Variants in AHRR observed in about 807,000 individuals in gnomAD.
AHRR encodes aryl hydrocarbon receptor repressor, also known as ahR repressor.
AHRR carries 28 observed loss-of-function variants against 44.0 expected under a neutral mutation model. The observed-to-expected ratio is 0.64, with a 90% CI of 0.47 to 0.87. The LOEUF (loss-of-function observed/expected upper bound fraction) is 0.87. Ranked by LOEUF, AHRR falls within the 40% of genes least tolerant of loss-of-function variation. The pLI is 0.00. For synonymous variants in AHRR, 434 were observed against 407.0 expected (o/e 1.07, Z -0.80); for missense variants, 990 against 953.9 (o/e 1.04, Z -0.50).
intron 5 of AHRR, chr5:421,331 G>T: frequency 1.4e-6 from 1 of 693,984 alleles, no homozygotes; most frequent in Non-Finnish European, 2.6e-6. Flanking sequence ...TGCGGGGCAG[G>T]GGGATGCCGG....
chr5:391,378 GCAGGGC>G (rs1734431648), intron 4 of AHRR, among the ~76,000 whole-genome samples: 5 of 106,856 alleles, frequency 4.7e-5, no homozygotes, highest in African/African-American at 2.9e-4. Context: ...GTGCATGGGC[GCAGGGC>G]GAGGAGGGCG....
intron 1 of AHRR, chr5:322,722 G>A (rs1741541805): frequency 6.6e-6 from 1 of 152,248 alleles, no homozygotes; most frequent in Admixed American, 6.5e-5. Flanking sequence ...CTCGGGCCGA[G>A]TGTGCCATAC....
chr5:348,296 T>G (rs1742745640), intron 2 of AHRR, among the ~76,000 whole-genome samples: 1 of 152,046 alleles, frequency 6.6e-6, no homozygotes, highest in African/African-American at 2.4e-5. Flanking sequence ...TGCCTTCAGC[T>G]CATGACACTG....
intron 1 of AHRR, among the ~76,000 whole-genome samples, chr5:328,899 C>A (rs1377789797): frequency 6.6e-6 from 1 of 152,008 alleles, no homozygotes; most frequent in Non-Finnish European, 1.5e-5. Flanking sequence ...AGTTTAAGAC[C>A]CATACTATAG....
Position 434,565 on chromosome 5 carries a change from A to C in AHRR, c.1825A>C (p.Thr609Pro), listed in dbSNP as rs1300406273. 2 of 1,588,404 alleles carry C rather than the reference A, an allele frequency of 1.3e-6. No homozygotes were observed. The highest frequency in any genetic ancestry group is 1.7e-6 in the Non-Finnish European group (2 of 1,167,794). Residue 609 changes from threonine to proline, a missense_variant, in exon 11 of 11, where the codon ACC (threonine) becomes CCC (proline). Coordinates refer to ENST00000684583, the MANE Select transcript of AHRR (RefSeq NM_001377236.1). ...RATAGRSREL[T>P]PFHPAHCACL... is the part of the protein sequence containing the mutation. ...CACTGCTGGGCGCAGCAGGGAGCTG[A>C]CCCCTTTCCACCCTGCACACTGTGC...
At chr5:344,524 GGGGGGC>G (rs1468343480) in intron 2 of AHRR, among the ~76,000 whole-genome samples, 2 of 1,568 alleles carry the variant, frequency 1.3e-3, no homozygotes, top group Non-Finnish European at 2.6e-3. Flanking sequence ...GTGAGGCTGT[GGGGGGC>G]TGTGTGTGGG....
At chr5:421,490 C>G (rs1736117393) in intron 5 of AHRR, 4 of 487,550 alleles carry the variant, frequency 8.2e-6, no homozygotes, top group Middle Eastern at 7.5e-4. Context: ...GGGGTGTTTT[C>G]TTGAAGGTGA....
At chr5:414,136 A>G (rs542978006) in intron 5 of AHRR, among the ~76,000 whole-genome samples, 64 of 152,110 alleles carry the variant, frequency 4.2e-4, no homozygotes, top group African/African-American at 1.4e-3. Context: ...GGTGGCGTGC[A>G]CCCGTAGTCC....
intron 3 of AHRR, among the ~76,000 whole-genome samples, chr5:369,756 A>G (rs349576): frequency 1 from 152,257 of 152,376 alleles, 76,069 homozygotes; most frequent in Non-Finnish European, 1. Context: ...GGGTGGTGAG[A>G]AGTTTCCTTT....
intron 5 of AHRR, among the ~76,000 whole-genome samples, chr5:420,760 G>A (rs914658465): frequency 2.3e-5 from 3 of 131,938 alleles, no homozygotes; most frequent in Admixed American, 1.6e-4. Context: ...CGGCTCAGTG[G>A]GGATTCCAGA....
chr5:400,598 G>A (rs1734974365), intron 4 of AHRR, among the ~76,000 whole-genome samples: 1 of 152,194 alleles, frequency 6.6e-6, no homozygotes, highest in African/African-American at 2.4e-5. Context: ...GAAAGGCAGA[G>A]GGAGAGAAAA....
Position 377,454 on chromosome 5 carries a change from A to T in AHRR, c.351+738A>T, listed in dbSNP as rs576321142. Among the ~76,000 whole-genome samples the T allele has an allele frequency of 3.9e-5, 6 of 152,186 alleles. No homozygotes were observed. In the South Asian group the frequency reaches 1.2e-3, roughly 32 times the overall value. ...GCAGGGAGGAGGCGGGGACAACATG[A>T]CATTTCCTGGGTAACAGGGTGGGCT... On this transcript the variant is annotated intron_variant, in intron 4 of 10. Transcript: ENST00000684583.
intron 7 of AHRR, among the ~76,000 whole-genome samples, chr5:426,086 C>T (rs1736374588): frequency 6.6e-6 from 1 of 152,234 alleles, no homozygotes; most frequent in Admixed American, 6.5e-5. Flanking sequence ...GGAATTTTTC[C>T]CCCTGGAGAG....
In AHRR at chr5:405,365, G is replaced by A. The variant is rs931572728; in HGVS notation, c.352-7979G>A. 6.6e-6 allele frequency among the ~76,000 whole-genome samples: 1 copy of A among 152,172 alleles called. No individual in the cohort carries two copies. The highest frequency in any genetic ancestry group is 1.5e-5 in the Non-Finnish European group (1 of 68,038). On this transcript the variant is annotated intron_variant, in intron 4 of 10. Coordinates refer to ENST00000684583, the MANE Select transcript of AHRR (RefSeq NM_001377236.1). This position sits in a 1 kb window ranked among gnomAD's most constrained non-coding sequence, Gnocchi z 4.5. ...TCTCTAGAAACGTGGTGGAGTTCAGGGTGATAACGATGGGCTTCTTTACTG... is the reference window on the plus strand; with the variant it reads ...TCTCTAGAAACGTGGTGGAGTTCAGAGTGATAACGATGGGCTTCTTTACTG...
Position 435,229 on chromosome 5 carries a change from CGG to C in AHRR, c.*396_*397del, listed in dbSNP as rs1193900422. 20 of 208,422 alleles carry C rather than the reference CGG, an allele frequency of 9.6e-5. No homozygotes were observed. The highest frequency in any genetic ancestry group is 6.0e-4 in the Admixed American group (11 of 18,480). 12.9% of individuals were successfully genotyped at this position (208,422 alleles called of 1,614,324 possible). On this transcript the variant is annotated 3_prime_UTR_variant, in exon 11 of 11. Transcript: ENST00000684583. ...CCCAAGTCCGCAGTCGGGGATGAAG[CGG>C]TCGGGTGATGCTCCCAAGTCCGCAG...
At chr5:412,586 G>A (rs934683835) in intron 4 of AHRR, among the ~76,000 whole-genome samples, 4 of 152,094 alleles carry the variant, frequency 2.6e-5, no homozygotes, top group African/African-American at 9.7e-5. Flanking sequence ...GATCAAAGGG[G>A]CTTACCACAT....
intron 4 of AHRR, among the ~76,000 whole-genome samples, chr5:399,801 G>C (rs1451469444): frequency 6.6e-6 from 1 of 152,202 alleles, no homozygotes; most frequent in African/African-American, 2.4e-5. Flanking sequence ...TAGGGCCCCG[G>C]GGCTTCAGTC....
chr5:344,211 G>C (rs1560883931), intron 2 of AHRR, among the ~76,000 whole-genome samples: 1 of 150,906 alleles, frequency 6.6e-6, no homozygotes, highest in Non-Finnish European at 1.5e-5. Context: ...GCGAGGCGGC[G>C]GGCACCGTGA....
chr5:416,792 G>A (rs941424554), intron 5 of AHRR, among the ~76,000 whole-genome samples: 1 of 152,244 alleles, frequency 6.6e-6, no homozygotes, highest in Admixed American at 6.5e-5. Flanking sequence ...CAGGACATGG[G>A]CGGACATGAC....
Sources: allele counts gnomAD v4.1 joint callset (sites outside exome capture counted in the v4.1 genomes callset), GRCh38; gene constraint gnomAD v4.1.1; non-coding constraint Gnocchi (gnomAD v3.1); transcripts MANE v1.5; gene names NCBI Gene and HGNC (gene_info 2026-07-23, HGNC 2026-07-21).